The following TMEM232 variants were observed in gnomAD, a reference collection of about 807,000 sequenced individuals.
TMEM232 encodes the protein transmembrane protein 232.
Under a neutral mutation model 78.8 loss-of-function variants are expected in TMEM232, and 80 were observed. That is an observed-to-expected ratio of 1.01 (90% confidence interval 0.85 to 1.22). The LOEUF (loss-of-function observed/expected upper bound fraction) is 1.22, where lower values mean the gene tolerates loss of function less well. TMEM232 is among the 50% of genes most tolerant of loss of function. The pLI, the probability that TMEM232 is intolerant of heterozygous loss-of-function variation, is 0.00. For missense variants in TMEM232, 881 were observed against 742.2 expected (o/e 1.19, Z -2.17); for synonymous variants, 297 against 254.3 (o/e 1.17, Z -1.60).
chr5:110,607,310 T>G (rs372269019), intron 8 of TMEM232, among the ~76,000 whole-genome samples: 2 of 152,040 alleles, frequency 1.3e-5, no homozygotes, highest in African/African-American at 2.4e-5. Context: ...TAAGCTAGAT[T>G]AGTTGTAACT....
At chr5:110,651,827 A>G (rs1443590608) in intron 2 of TMEM232, among the ~76,000 whole-genome samples, 1 of 152,072 alleles carries the variant, frequency 6.6e-6, no homozygotes, top group African/African-American at 2.4e-5. Context: ...GCATAATTAC[A>G]AAGGGCCAGA....
chr5:110,636,039 TA>T (rs1291996550), intron 5 of TMEM232, among the ~76,000 whole-genome samples: 4 of 151,916 alleles, frequency 2.6e-5, no homozygotes, highest in Non-Finnish European at 4.4e-5. Context: ...GGTGATTAGA[TA>T]AAGAAAATGT....
intron 12 of TMEM232, among the ~76,000 whole-genome samples, chr5:110,475,964 T>G (rs890917799): frequency 1.3e-5 from 2 of 152,094 alleles, no homozygotes; most frequent in South Asian, 4.2e-4. Context: ...AAGAATAAAA[T>G]TGACAGAACA....
chr5:110,520,713 G>A (rs1374229486), intron 12 of TMEM232, among the ~76,000 whole-genome samples: 7 of 152,034 alleles, frequency 4.6e-5, no homozygotes, highest in African/African-American at 1.7e-4. Flanking sequence ...TGAGATCGGT[G>A]GTCGAGACCA....
At chr5:110,476,310 G>C (rs917258505) in intron 12 of TMEM232, among the ~76,000 whole-genome samples, 4 of 151,846 alleles carry the variant, frequency 2.6e-5, no homozygotes, top group Non-Finnish European at 1.5e-5. Flanking sequence ...AGGAAATTTT[G>C]ATACAAAAAT....
At position 110,642,283 on chromosome 5, in the gene TMEM232, T is replaced by C. The variant is rs915032594; in HGVS notation, c.214A>G (p.Arg72Gly). The part of the protein sequence containing the change: ...KEKEELLELA[R>G]KIILRCKRKL... ...ACCTTACATCTGAGAATGATTTTTC[T>C]AGCTAGTTCCAACAATTCTTCCTTC... is the stretch of plus-strand genomic sequence containing the variant. Residue 72 changes from arginine to glycine, a missense_variant, in exon 3 of 14, where the codon AGA becomes GGA. Physicochemically the swap from Arg to Gly is moderately radical, Grantham distance 125. Transcript: ENST00000455884. 4.2e-5 allele frequency: 65 copies of C among 1,537,822 alleles called. No individual in the cohort carries two copies. Among genetic ancestry groups the C allele is most frequent in the Non-Finnish European group, 5.7e-5 (65 of 1,141,750 alleles).
chr5:110,481,341 T>A (rs373569209), intron 12 of TMEM232, among the ~76,000 whole-genome samples: 5 of 152,270 alleles, frequency 3.3e-5, no homozygotes, highest in African/African-American at 7.2e-5. Context: ...GCAAATCAAA[T>A]ATCCATTCCT....
At chr5:110,424,469 C>T (rs967139539) in intron 13 of TMEM232, among the ~76,000 whole-genome samples, 6 of 152,030 alleles carry the variant, frequency 3.9e-5, no homozygotes, top group African/African-American at 2.4e-5. Flanking sequence ...GGGTAAAGAA[C>T]GGTCACTGAA....
intron 5 of TMEM232, among the ~76,000 whole-genome samples, chr5:110,633,595 A>T (rs1448349097): frequency 6.6e-6 from 1 of 152,122 alleles, no homozygotes; most frequent in Non-Finnish European, 1.5e-5. Context: ...TGATGGTATT[A>T]TAAGTCTTTG....
intron 2 of TMEM232, among the ~76,000 whole-genome samples, chr5:110,732,808 C>G (rs1002705605): frequency 1.3e-5 from 2 of 152,106 alleles, no homozygotes; most frequent in Admixed American, 1.3e-4. Flanking sequence ...ATAAATGGAA[C>G]AGTATCTGAA....
At chr5:110,426,128 C>A (rs1757207365) in intron 12 of TMEM232, among the ~76,000 whole-genome samples, 1 of 151,940 alleles carries the variant, frequency 6.6e-6, no homozygotes, top group South Asian at 2.1e-4. Context: ...CTTTCTCTTT[C>A]TCCTTCTTCT....
intron 1 of TMEM232, among the ~76,000 whole-genome samples, chr5:110,669,719 G>T (rs1337458646): frequency 1.3e-5 from 2 of 152,172 alleles, no homozygotes; most frequent in Non-Finnish European, 2.9e-5. Flanking sequence ...GAACATCAAT[G>T]CAGAAATCCT....
At chr5:110,421,217 C>A (rs1756603434) in intron 13 of TMEM232, among the ~76,000 whole-genome samples, 1 of 151,836 alleles carries the variant, frequency 6.6e-6, no homozygotes, top group African/African-American at 2.4e-5. Flanking sequence ...TAAATGCATA[C>A]TATGCAGAAG....
At chr5:110,645,751 G>C (rs979080998) in intron 2 of TMEM232, among the ~76,000 whole-genome samples, 1 of 151,348 alleles carries the variant, frequency 6.6e-6, no homozygotes, top group Non-Finnish European at 1.5e-5. Context: ...ATAAATAAAA[G>C]GCATCCAAAT....
chr5:110,478,251 A>G (rs1420645527), intron 12 of TMEM232, among the ~76,000 whole-genome samples: 4 of 151,966 alleles, frequency 2.6e-5, no homozygotes, highest in African/African-American at 9.7e-5. Context: ...TAAAATGTTA[A>G]TGAAATATTA....
chr5:110,457,226 A>G (rs1761005441), intron 12 of TMEM232, among the ~76,000 whole-genome samples: 2 of 152,126 alleles, frequency 1.3e-5, no homozygotes, highest in Admixed American at 1.3e-4. Context: ...AAAAGAAGAT[A>G]CCTGAATAAA....
chr5:110,670,749 T>C (rs1460721850), intron 1 of TMEM232, among the ~76,000 whole-genome samples: 2 of 152,164 alleles, frequency 1.3e-5, no homozygotes, highest in Non-Finnish European at 2.9e-5. Flanking sequence ...TATTTTTCTT[T>C]AACAGCTAAC....
chr5:110,620,568 G>GTCTCTCATATCTC (rs1783503386), intron 7 of TMEM232, among the ~76,000 whole-genome samples: 2 of 121,122 alleles, frequency 1.7e-5, no homozygotes, highest in Non-Finnish European at 1.6e-5. Flanking sequence ...CTTGTGGTAT[G>GTCTCTCATATCTC]TCTCTCATAT....
Position 110,603,304 on chromosome 5 carries a change from A to G in TMEM232, c.1276+1805T>C, listed in dbSNP as rs1416277532. On this transcript the variant is annotated intron_variant, in intron 10 of 13. Transcript: ENST00000455884. ...CCCAGAACTTAAAGTATAATAATAC[A>G]TAAATTTAAAAATATCAGACTGTTG... Among the ~76,000 whole-genome samples, 5 of 152,290 alleles carry G rather than the reference A, an allele frequency of 3.3e-5. No homozygotes were observed. The East Asian group carries it at 9.6e-4, about 29-fold the overall frequency.
Sources: allele counts gnomAD v4.1 joint callset (sites outside exome capture counted in the v4.1 genomes callset), GRCh38; gene constraint gnomAD v4.1.1; transcripts MANE v1.5; gene names NCBI Gene and HGNC (gene_info 2026-07-23, HGNC 2026-07-21).